The following GALNT13 variants were observed in gnomAD, a reference collection of about 807,000 sequenced individuals.
GALNT13 encodes UDP-GalNAc:polypeptide N-acetylgalactosaminyltransferase 13.
In GALNT13, 28 loss-of-function variants were observed where a neutral mutation model predicts 64.2. The ratio of observed to expected loss-of-function variants is 0.44; its 90% confidence interval spans 0.32 to 0.60. The LOEUF (loss-of-function observed/expected upper bound fraction) is 0.60, where lower values mean the gene tolerates loss of function less well. GALNT13 is among the 20% of genes least tolerant of loss of function. The probability of loss-of-function intolerance (pLI) is 0.05; values close to 1 mark genes in which losing one functional copy is unlikely to be tolerated. For synonymous variants in GALNT13, 214 were observed against 224.6 expected (o/e 0.95, Z 0.42); for missense variants, 577 against 669.8 (o/e 0.86, Z 1.53).
At chr2:154,180,755 T>C (rs1685917763) in intron 4 of GALNT13, among the ~76,000 whole-genome samples, 1 of 152,162 alleles carries the variant, frequency 6.6e-6, no homozygotes, top group South Asian at 2.1e-4. Context: ...GTTGTTTTAT[T>C]TTTATTTTTT....
chr2:153,960,462 A>T (rs1230874639), intron 3 of GALNT13, among the ~76,000 whole-genome samples: 1 of 152,184 alleles, frequency 6.6e-6, no homozygotes, highest in East Asian at 1.9e-4. Flanking sequence ...CAGCTCTGTG[A>T]CTGCTCCTGC....
chr2:154,010,462 T>C (rs1396745194), intron 3 of GALNT13, among the ~76,000 whole-genome samples: 2 of 152,234 alleles, frequency 1.3e-5, no homozygotes, highest in Non-Finnish European at 2.9e-5. Context: ...GTGGATTAGC[T>C]TTTTGATGTG....
At chr2:154,300,965 A>G (rs1342787650) in intron 8 of GALNT13, among the ~76,000 whole-genome samples, 1 of 152,188 alleles carries the variant, frequency 6.6e-6, no homozygotes, top group African/African-American at 2.4e-5. Flanking sequence ...CCAAAGGCTT[A>G]AGATGCAAGG....
the GALNT13 span, among the ~76,000 whole-genome samples, chr2:153,310,375 C>G: frequency 6.6e-6 from 1 of 151,914 alleles, no homozygotes. Context: ...TACAGCTGAC[C>G]CTTCAACAAT....
chr2:154,408,865 A>C (rs185764230), intron 10 of GALNT13, 119 bp from the exon 11 acceptor site: 2 of 671,662 alleles, frequency 3.0e-6, no homozygotes, highest in Admixed American at 5.7e-5. Flanking sequence ...TCTTGGAGAA[A>C]TTTTCTTATG....
chr2:154,135,062 C>G (rs1193623448), intron 3 of GALNT13, among the ~76,000 whole-genome samples: 1 of 152,060 alleles, frequency 6.6e-6, no homozygotes, highest in Non-Finnish European at 1.5e-5. Context: ...TATGAATGGT[C>G]CTATTTTAAA....
At chr2:153,262,969 A>C in the GALNT13 span, among the ~76,000 whole-genome samples, 1 of 152,116 alleles carries the variant, frequency 6.6e-6, no homozygotes, top group East Asian at 1.9e-4. Context: ...GACAAGAGAA[A>C]GAAATAAATG....
At chr2:153,160,586 G>A in the GALNT13 span, among the ~76,000 whole-genome samples, 1 of 152,130 alleles carries the variant, frequency 6.6e-6, no homozygotes, top group African/African-American at 2.4e-5. Context: ...TAGAGAAAAA[G>A]ATGACTACAC....
chr2:154,052,903 A>T (rs976657863), intron 3 of GALNT13, among the ~76,000 whole-genome samples: 8 of 151,312 alleles, frequency 5.3e-5, no homozygotes, highest in African/African-American at 1.9e-4. Context: ...TGCCCGGCTA[A>T]TTTTTTTGTA....
chr2:153,402,083 A>G, the GALNT13 span, among the ~76,000 whole-genome samples: 8 of 145,664 alleles, frequency 5.5e-5, no homozygotes, highest in African/African-American at 1.6e-4. Flanking sequence ...TCCTTTCCAT[A>G]TTTAGCGCTT....
At chr2:153,646,531 T>C in the GALNT13 span, among the ~76,000 whole-genome samples, 1 of 151,960 alleles carries the variant, frequency 6.6e-6, no homozygotes, top group African/African-American at 2.4e-5. Context: ...GTTAAATGTG[T>C]ATACATGTGC....
chr2:154,278,551 T>C (rs552023812), intron 8 of GALNT13, among the ~76,000 whole-genome samples: 1 of 152,254 alleles, frequency 6.6e-6, no homozygotes, highest in South Asian at 2.1e-4. Context: ...AGGCATTTCC[T>C]TAGGTAGCAC....
At chr2:153,728,492 AC>A in the GALNT13 span, among the ~76,000 whole-genome samples, 2 of 152,182 alleles carry the variant, frequency 1.3e-5, no homozygotes, top group Non-Finnish European at 2.9e-5. Flanking sequence ...CACAGCAAAA[AC>A]AGTGTTAGGA....
At chr2:153,634,421 T>C in the GALNT13 span, among the ~76,000 whole-genome samples, 1 of 151,932 alleles carries the variant, frequency 6.6e-6, no homozygotes, top group African/African-American at 2.4e-5. Context: ...CTTGATGACA[T>C]CTACTCTGAG....
intron 2 of GALNT13, among the ~76,000 whole-genome samples, chr2:153,927,447 T>C (rs1690225137): frequency 6.6e-6 from 1 of 152,004 alleles, no homozygotes; most frequent in Admixed American, 6.6e-5. Context: ...TTTCCTTTTC[T>C]CCTATATTTA....
chr2:154,163,118 GCTATCCCT>G (rs1385258891), intron 4 of GALNT13, among the ~76,000 whole-genome samples: 1 of 142,882 alleles, frequency 7.0e-6, no homozygotes, highest in Non-Finnish European at 1.5e-5. Flanking sequence ...ATCTCCTAAT[GCTATCCCT>G]CCCCCCTCCC....
chr2:153,786,008 A>T, the GALNT13 span, among the ~76,000 whole-genome samples: 1 of 151,636 alleles, frequency 6.6e-6, no homozygotes, highest in Non-Finnish European at 1.5e-5. Context: ...TTATGCCAGC[A>T]GTGCGGATGC....
At chr2:154,120,894 T>C (rs984299046) in intron 3 of GALNT13, among the ~76,000 whole-genome samples, 10 of 152,144 alleles carry the variant, frequency 6.6e-5, no homozygotes, top group Non-Finnish European at 1.3e-4. Flanking sequence ...TGACCTGCAC[T>C]TCCTTCCTTT....
intron 8 of GALNT13, chr2:154,286,947 G>T (rs1692300341): frequency 3.7e-6 from 2 of 533,838 alleles, no homozygotes; most frequent in Non-Finnish European, 6.9e-6. Context: ...ACTCTGTGCT[G>T]CCATCCATCA....
Sources: allele counts gnomAD v4.1 joint callset (sites outside exome capture counted in the v4.1 genomes callset), GRCh38; gene constraint gnomAD v4.1.1; transcripts MANE v1.5; gene names NCBI Gene and HGNC (gene_info 2026-07-23, HGNC 2026-07-21).